PRIMA1: variants seen among roughly 807,000 people sequenced by gnomAD.
PRIMA1 encodes proline rich membrane anchor 1, also known as proline-rich membrane anchor 1.
A neutral mutation model predicts 17.5 loss-of-function variants in PRIMA1; 7 were observed. The ratio of observed to expected loss-of-function variants is 0.40; its 90% CI spans 0.23 to 0.75. The LOEUF is 0.75. PRIMA1 is among the 30% of genes least tolerant of loss of function. The probability of loss-of-function intolerance (pLI) is 0.37; values close to 1 mark genes in which losing one functional copy is unlikely to be tolerated. For missense variants in PRIMA1, 200 were observed against 201.8 expected, an observed-to-expected ratio of 0.99 and a Z score of 0.05; for synonymous variants, 97 against 77.9, an observed-to-expected ratio of 1.25 and a Z score of -1.29.
chr14:93,743,616 C>T lies in PRIMA1; in HGVS notation c.230-6246G>A, dbSNP rs190224166. Among the ~76,000 whole-genome samples, 4 of 152,368 alleles carry T rather than the reference C, an allele frequency of 2.6e-5. No homozygotes were observed. The East Asian group carries it at 5.8e-4, about 22-fold the overall frequency. ...TCGGTGAATGTGCTTCCCAAGACTC[C>T]GAGGTTAAGTTCAGCCTTTGCTGTG... On this transcript the variant is annotated intron_variant, in intron 3 of 4. Coordinates refer to ENST00000393140, the MANE Select transcript of PRIMA1 (RefSeq NM_178013.4).
chr14:93,788,258 T>A (rs1448440816), intron 1 of PRIMA1, among the ~76,000 whole-genome samples, 152 bp downstream of exon 1: 1 of 152,190 alleles, frequency 6.6e-6, no homozygotes, highest in Non-Finnish European at 1.5e-5. Flanking sequence ...GCACCCACAC[T>A]GCCCAGCCGG....
chr14:93,764,252 C>A (rs994607194), intron 3 of PRIMA1, among the ~76,000 whole-genome samples: 1 of 151,960 alleles, frequency 6.6e-6, no homozygotes, highest in Non-Finnish European at 1.5e-5. Flanking sequence ...CCTGCAGGTC[C>A]CTCTGTGGAA....
intron 4 of PRIMA1, among the ~76,000 whole-genome samples, chr14:93,724,024 A>G (rs554072086): frequency 6.6e-6 from 1 of 152,302 alleles, no homozygotes; most frequent in Non-Finnish European, 1.5e-5. Flanking sequence ...AGCTGGGATT[A>G]CAGGTGTATG....
At chr14:93,753,894 A>G (rs568527337) in intron 3 of PRIMA1, among the ~76,000 whole-genome samples, 1 of 152,306 alleles carries the variant, frequency 6.6e-6, no homozygotes, top group African/African-American at 2.4e-5. Flanking sequence ...CTTTCCCTTC[A>G]TAACAGATGC....
At chr14:93,787,861 C>T (rs1885571773) in intron 1 of PRIMA1, 112 bp from the exon 2 acceptor site, 1 of 1,303,718 alleles carries the variant, frequency 7.7e-7, no homozygotes. Context: ...CACCCAGGGG[C>T]ACCCTAGTAA....
chr14:93,742,698 C>A (rs965425308), intron 3 of PRIMA1, among the ~76,000 whole-genome samples: 1 of 152,172 alleles, frequency 6.6e-6, no homozygotes, highest in Non-Finnish European at 1.5e-5. Context: ...GTGGCAAATG[C>A]CTCCCCTATC....
In PRIMA1 at chr14:93,762,210, C is replaced by G. The variant is rs11848739; in HGVS notation, c.229+16966G>C. Among the ~76,000 whole-genome samples the G allele has an allele frequency of 6.4e-4, 97 of 152,230 alleles. 1 individual carries two copies. The highest frequency in any genetic ancestry group is 2.3e-3 in the African/African-American group (96 of 41,516). On this transcript the variant is annotated intron_variant, in intron 3 of 4. Transcript: ENST00000393140. ...CTTCCTGACAGTGACGAAGCTCTCT[C>G]GACTTTGCACCAAGAAGCCCTGATG...
rs781170814 is a variant in PRIMA1 at position 93,779,255 on chromosome 14, G to T, written c.150C>A (p.His50Gln). 6.5e-7 allele frequency: 1 copy of T among 1,538,978 alleles called. No homozygotes were observed. Among genetic ancestry groups the T allele is most frequent in the Middle Eastern group, 1.8e-4 (1 of 5,698 alleles). The change falls in exon 3 of 5, where the codon CAC (histidine) becomes CAA (glutamine). Residue 50 changes from histidine to glutamine, a missense_variant. Transcript: ENST00000393140. ...SCSKVTDSCR[H>Q]VCQCRPPPPL... Reference sequence around the variant, plus strand: ...GGGGAGGGGGCCGGCACTGGCAGACGTGTCGGCAGCTGTCAGTCACTTTGG... The same window carrying T: ...GGGGAGGGGGCCGGCACTGGCAGACTTGTCGGCAGCTGTCAGTCACTTTGG...
intron 4 of PRIMA1, among the ~76,000 whole-genome samples, chr14:93,724,847 G>C (rs985228705): frequency 6.6e-6 from 1 of 152,180 alleles, no homozygotes; most frequent in Admixed American, 6.5e-5. Context: ...TGGCTTAAGG[G>C]CCTTCTAGGG....
At chr14:93,747,858 T>A (rs1285683549) in intron 3 of PRIMA1, among the ~76,000 whole-genome samples, 1 of 146,780 alleles carries the variant, frequency 6.8e-6, no homozygotes, top group Non-Finnish European at 1.5e-5. Context: ...TGTGTATGAG[T>A]GTGTGTGAGT....
At chr14:93,788,147 AAC>A (rs1437702887) in intron 1 of PRIMA1, among the ~76,000 whole-genome samples, 1 of 151,930 alleles carries the variant, frequency 6.6e-6, no homozygotes, top group African/African-American at 2.4e-5. Context: ...CAACCACAGA[AAC>A]AGCCGTGCAC....
In PRIMA1 at chr14:93,741,783, A is replaced by G. The variant is rs116832071; in HGVS notation, c.230-4413T>C. The stretch of plus-strand genomic sequence containing the variant: ...AGACAATCAGAGAGTGCCAAGTTCC[A>G]GGACTGAGGCTACCTGGGCTCTCTG... On this transcript the variant is annotated intron_variant, in intron 3 of 4. Transcript: ENST00000393140. 1.4e-3 allele frequency among the ~76,000 whole-genome samples: 211 copies of G among 152,284 alleles called. 1 individual carries two copies. The highest frequency in any genetic ancestry group is 4.9e-3 in the African/African-American group (204 of 41,550).
intron 3 of PRIMA1, among the ~76,000 whole-genome samples, chr14:93,760,633 A>G (rs1441500579): frequency 6.6e-6 from 1 of 151,946 alleles, no homozygotes; most frequent in Non-Finnish European, 1.5e-5. Context: ...CTGGCTGGTG[A>G]GCTCCACCAG....
rs1158290589 is a variant in PRIMA1, at chr14:93,726,367, A to G, written c.360-4821T>C. Among the ~76,000 whole-genome samples, 1 of 152,158 alleles carries G rather than the reference A, an allele frequency of 6.6e-6. No homozygotes were observed. Among genetic ancestry groups the G allele is most frequent in the Non-Finnish European group, 1.5e-5 (1 of 68,018 alleles). ...GGCAAAGAACAACTCTGGGAGCCTAAGAAGGGAGGCTGTCTTCCTGCCTCA... is the reference window on the plus strand; with the variant it reads ...GGCAAAGAACAACTCTGGGAGCCTAGGAAGGGAGGCTGTCTTCCTGCCTCA... On this transcript the variant is annotated intron_variant, in intron 4 of 4. Coordinates refer to ENST00000393140, the MANE Select transcript of PRIMA1 (RefSeq NM_178013.4). This position sits in a 1 kb window ranked among gnomAD's most constrained non-coding sequence, Gnocchi z 4.2.
chr14:93,753,309 G>C (rs1046467664), intron 3 of PRIMA1, among the ~76,000 whole-genome samples: 3 of 152,220 alleles, frequency 2.0e-5, no homozygotes, highest in Admixed American at 1.3e-4. Flanking sequence ...CAGGGTCCAA[G>C]AAGAAGCCAA....
chr14:93,747,714 ATGAG>A (rs1257013420), intron 3 of PRIMA1, among the ~76,000 whole-genome samples: 1 of 148,946 alleles, frequency 6.7e-6, no homozygotes, highest in Non-Finnish European at 1.5e-5. Flanking sequence ...GTGTGAGTGT[ATGAG>A]TGTGTATATG....
chr14:93,762,007 TCTGA>T (rs1220533351), intron 3 of PRIMA1, among the ~76,000 whole-genome samples: 3 of 152,152 alleles, frequency 2.0e-5, no homozygotes, highest in East Asian at 3.8e-4. Flanking sequence ...GCTTACAGAC[TCTGA>T]CTGTTGTTCT....
At chr14:93,780,326 A>G in intron 2 of PRIMA1, among the ~76,000 whole-genome samples, 1 of 152,098 alleles carries the variant, frequency 6.6e-6, no homozygotes, top group Admixed American at 6.5e-5. Context: ...ACCTATCTTC[A>G]CCATGGCACT....
chr14:93,743,711 A>G (rs981286988), intron 3 of PRIMA1, among the ~76,000 whole-genome samples: 1 of 152,184 alleles, frequency 6.6e-6, no homozygotes, highest in African/African-American at 2.4e-5. Flanking sequence ...GGGCCTGGTG[A>G]CTCGGCCATG....
Sources: allele counts gnomAD v4.1 joint callset (sites outside exome capture counted in the v4.1 genomes callset), GRCh38; gene constraint gnomAD v4.1.1; non-coding constraint Gnocchi (gnomAD v3.1); transcripts MANE v1.5; gene names NCBI Gene and HGNC (gene_info 2026-07-23, HGNC 2026-07-21).